Variants in GRID2 observed in about 807,000 individuals in gnomAD.
GRID2 encodes the protein glutamate receptor ionotropic, delta-2.
GRID2 carries 33 observed loss-of-function variants against 114.8 expected under a neutral mutation model. That is an observed-to-expected ratio of 0.29 (90% CI 0.22 to 0.38). The LOEUF is 0.38. Among genes scored for constraint, GRID2 ranks in the 10% least tolerant of loss-of-function variants. The probability of loss-of-function intolerance (pLI) is 1.00; values close to 1 mark genes in which losing one functional copy is unlikely to be tolerated. For missense variants in GRID2, 1,184 were observed against 1,257.7 expected (o/e 0.94, Z 0.89); for synonymous variants, 505 against 449.9 (o/e 1.12, Z -1.55).
At chr4:92,453,456 A>G (rs1721052165) in intron 1 of GRID2, among the ~76,000 whole-genome samples, 1 of 152,176 alleles carries the variant, frequency 6.6e-6, no homozygotes, top group Non-Finnish European at 1.5e-5. Flanking sequence ...ACATATGTAT[A>G]TGTATTCATA....
intron 4 of GRID2, among the ~76,000 whole-genome samples, chr4:93,125,110 A>G (rs903062401): frequency 2.0e-5 from 3 of 152,016 alleles, no homozygotes; most frequent in African/African-American, 4.8e-5. Flanking sequence ...ACATTGATAT[A>G]TCAGTATGTT....
chr4:93,713,052 T>G (rs1244590796), intron 14 of GRID2, among the ~76,000 whole-genome samples: 1 of 152,134 alleles, frequency 6.6e-6, no homozygotes, highest in Non-Finnish European at 1.5e-5. Flanking sequence ...GAGTTTTTTG[T>G]TATGTTTTGT....
chr4:92,492,084 C>A (rs1723170046), intron 1 of GRID2, among the ~76,000 whole-genome samples: 1 of 152,126 alleles, frequency 6.6e-6, no homozygotes, highest in South Asian at 2.1e-4. Flanking sequence ...TTAGTTATAT[C>A]TATCCTAAAA....
At chr4:92,416,376 T>C (rs937647778) in intron 1 of GRID2, among the ~76,000 whole-genome samples, 1 of 152,182 alleles carries the variant, frequency 6.6e-6, no homozygotes, top group Non-Finnish European at 1.5e-5. Flanking sequence ...CTGCTAATTA[T>C]TTCTTTTGCT....
chr4:92,676,639 C>T (rs541297877), intron 2 of GRID2, among the ~76,000 whole-genome samples: 65 of 152,102 alleles, frequency 4.3e-4, no homozygotes, highest in African/African-American at 1.5e-3. Context: ...AAGATAAGAT[C>T]CCCATATTCC....
chr4:92,437,934 C>T (rs933238470), intron 1 of GRID2, among the ~76,000 whole-genome samples: 2 of 152,104 alleles, frequency 1.3e-5, no homozygotes, highest in African/African-American at 4.8e-5. Flanking sequence ...TTTCTTTGAA[C>T]TCTTTTTACT....
Position 93,019,076 on chromosome 4 carries a change from C to A in GRID2, c.245-65919C>A, listed in dbSNP as rs543301226. Among the ~76,000 whole-genome samples, 21 of 152,252 alleles carry A rather than the reference C, an allele frequency of 1.4e-4. No individual in the cohort carries two copies. The East Asian group carries it at 3.9e-3, about 28-fold the overall frequency. On this transcript the variant is annotated intron_variant, in intron 2 of 15. Coordinates refer to ENST00000282020, the MANE Select transcript of GRID2 (RefSeq NM_001510.4). The stretch of plus-strand genomic sequence containing the variant: ...AATCAGAGGATGTTGTGAAATAGCA[C>A]TGCAGTGTTCATAATGAAATTCTTT...
At chr4:93,703,132 A>G (rs571689993) in intron 14 of GRID2, among the ~76,000 whole-genome samples, 1 of 152,270 alleles carries the variant, frequency 6.6e-6, no homozygotes, top group South Asian at 2.1e-4. Flanking sequence ...TTTTTCTGAC[A>G]TCAAGCATGT....
rs193227722 is a variant in GRID2 at position 92,761,045 on chromosome 4, A to G, written c.244+170759A>G. On this transcript the variant is annotated intron_variant, in intron 2 of 15. Transcript: ENST00000282020. ...CATAAACCTCTATTTCATGTGTTTG[A>G]TTTACTGCCTATTTTAACTACATTG... Among the ~76,000 whole-genome samples, 99 of 152,120 alleles carry G rather than the reference A, an allele frequency of 6.5e-4. No homozygotes were observed. In the East Asian group the frequency reaches 0.012, roughly 18 times the overall value.
chr4:92,411,792 G>A lies in GRID2; in HGVS notation c.88+107048G>A, dbSNP rs1318154023. 6.0e-5 allele frequency among the ~76,000 whole-genome samples: 9 copies of A among 150,912 alleles called. No homozygotes were observed. In the South Asian group the frequency reaches 1.0e-3, roughly 17 times the overall value. ...GCGATCTCAGCTCACTGCAAGCTCCGCCTCCCGGGTTCACGCCATTCTCCT... is the reference window on the plus strand; with the variant it reads ...GCGATCTCAGCTCACTGCAAGCTCCACCTCCCGGGTTCACGCCATTCTCCT... On this transcript the variant is annotated intron_variant, in intron 1 of 15. Coordinates refer to ENST00000282020, the MANE Select transcript of GRID2 (RefSeq NM_001510.4).
intron 1 of GRID2, among the ~76,000 whole-genome samples, chr4:92,376,760 G>T (rs1285414479): frequency 6.6e-6 from 1 of 152,142 alleles, no homozygotes; most frequent in African/African-American, 2.4e-5. Flanking sequence ...TGCGCTTGCA[G>T]ACTCAACACC....
At chr4:92,681,162 C>A (rs900287603) in intron 2 of GRID2, among the ~76,000 whole-genome samples, 5 of 152,010 alleles carry the variant, frequency 3.3e-5, no homozygotes, top group Non-Finnish European at 7.4e-5. Flanking sequence ...GCTACATATT[C>A]TATATATGGA....
At chr4:93,333,031 G>GATA (rs1758664028) in intron 8 of GRID2, among the ~76,000 whole-genome samples, 1 of 152,072 alleles carries the variant, frequency 6.6e-6, no homozygotes, top group Non-Finnish European at 1.5e-5. Flanking sequence ...TGTATTTGAT[G>GATA]ATAATAATAA....
chr4:93,325,676 A>G (rs1011612626), intron 8 of GRID2, among the ~76,000 whole-genome samples: 1 of 150,546 alleles, frequency 6.6e-6, no homozygotes, highest in African/African-American at 2.4e-5. Flanking sequence ...ATAGTATACT[A>G]TTTTTTAGTC....
At chr4:93,281,678 G>T (rs947530494) in intron 8 of GRID2, among the ~76,000 whole-genome samples, 1 of 152,084 alleles carries the variant, frequency 6.6e-6, no homozygotes, top group Non-Finnish European at 1.5e-5. Flanking sequence ...ATAGTTGGCT[G>T]AGTATTTTCT....
chr4:92,991,044 A>G (rs1361383211), intron 2 of GRID2, among the ~76,000 whole-genome samples: 3 of 152,190 alleles, frequency 2.0e-5, no homozygotes, highest in African/African-American at 7.2e-5. Context: ...TAAACTCTTT[A>G]TATATTTTCT....
chr4:92,321,533 G>C (rs1334364768), intron 1 of GRID2, among the ~76,000 whole-genome samples: 1 of 152,100 alleles, frequency 6.6e-6, no homozygotes, highest in East Asian at 1.9e-4. Flanking sequence ...ATTTAGGTAT[G>C]AAATTATTGG....
In GRID2 at chr4:92,316,361, A is replaced by T. The variant is rs149637644; in HGVS notation, c.88+11617A>T. ...TGGGTGATGCTTCATCCACAGATGTAAGAGGGACTGCTCTTCTGTTCTCTT... is the reference window on the plus strand; with the variant it reads ...TGGGTGATGCTTCATCCACAGATGTTAGAGGGACTGCTCTTCTGTTCTCTT... On this transcript the variant is annotated intron_variant, in intron 1 of 15. Transcript: ENST00000282020. Among the ~76,000 whole-genome samples the T allele has an allele frequency of 2.0e-5, 3 of 152,158 alleles. No individual in the cohort carries two copies. The East Asian group carries it at 5.8e-4, about 29-fold the overall frequency.
chr4:92,667,312 A>T (rs1732837889), intron 2 of GRID2, among the ~76,000 whole-genome samples: 1 of 151,646 alleles, frequency 6.6e-6, no homozygotes, highest in South Asian at 2.1e-4. Context: ...TGAATTTCAA[A>T]GACTTCCTAA....
Sources: allele counts gnomAD v4.1 joint callset (sites outside exome capture counted in the v4.1 genomes callset), GRCh38; gene constraint gnomAD v4.1.1; transcripts MANE v1.5; gene names NCBI Gene and HGNC (gene_info 2026-07-23, HGNC 2026-07-21).